The following TATDN1 variants were observed in gnomAD, a reference collection of about 807,000 sequenced individuals.
TATDN1 encodes the protein TatD DNase domain containing 1.
TATDN1 carries 40 observed loss-of-function variants against 46.4 expected under a neutral mutation model. The observed-to-expected ratio is 0.86, with a 90% CI of 0.67 to 1.12. The LOEUF (loss-of-function observed/expected upper bound fraction) is 1.12. TATDN1 is among the 50% of genes most tolerant of loss of function. The pLI is 0.00. For synonymous variants in TATDN1, 95 were observed against 105.6 expected (o/e 0.90, Z 0.62); for missense variants, 326 against 348.4 (o/e 0.94, Z 0.51).
At chr8:124,520,901 C>A (rs545081171) in intron 3 of TATDN1, among the ~76,000 whole-genome samples, 1 of 147,742 alleles carries the variant, frequency 6.8e-6, no homozygotes, top group Admixed American at 6.8e-5. Flanking sequence ...CGAGATCATG[C>A]CACTGCACTC....
At chr8:124,538,951 G>C (rs752372317) in intron 1 of TATDN1, 74 bp downstream of exon 1, 14 of 1,585,488 alleles carry the variant, frequency 8.8e-6, no homozygotes, top group Non-Finnish European at 1.2e-5. Flanking sequence ...GCAATTCCTG[G>C]GTCCTGTGAC....
At chr8:124,534,072 G>T (rs1351226406) in intron 1 of TATDN1, among the ~76,000 whole-genome samples, 1 of 148,694 alleles carries the variant, frequency 6.7e-6, no homozygotes, top group African/African-American at 2.5e-5. Flanking sequence ...CGTGAACCTG[G>T]GAGGCGGAGC....
chr8:124,533,128 T>G (rs1408302983), intron 1 of TATDN1, among the ~76,000 whole-genome samples: 1 of 151,804 alleles, frequency 6.6e-6, no homozygotes, highest in Non-Finnish European at 1.5e-5. Context: ...GGCAGGCGCC[T>G]GTAGTCCCAG....
chr8:124,506,759 T>C (rs1818471475), intron 8 of TATDN1, among the ~76,000 whole-genome samples: 1 of 152,204 alleles, frequency 6.6e-6, no homozygotes, highest in Non-Finnish European at 1.5e-5. Context: ...TACAGTTCTT[T>C]TGCTAGACAC....
At chr8:124,505,182 C>T (rs1006544717) in intron 8 of TATDN1, among the ~76,000 whole-genome samples, 2 of 150,864 alleles carry the variant, frequency 1.3e-5, no homozygotes, top group African/African-American at 2.4e-5. Flanking sequence ...GTTGGGAGTT[C>T]GAGACCAGCC....
chr8:124,512,604 T>G (rs780544798), intron 6 of TATDN1, among the ~76,000 whole-genome samples: 12 of 152,184 alleles, frequency 7.9e-5, no homozygotes, highest in Admixed American at 2.0e-4. Flanking sequence ...CCCTCTGTAT[T>G]AAATATTCAA....
intron 6 of TATDN1, among the ~76,000 whole-genome samples, chr8:124,515,242 A>C (rs1005282983): frequency 6.6e-6 from 1 of 152,158 alleles, no homozygotes; most frequent in East Asian, 1.9e-4. Context: ...TTAGCCGGGC[A>C]TGGTGGCACA....
chr8:124,493,973 G>A lies in TATDN1; in HGVS notation c.665-14C>T. On this transcript the variant is annotated splice_polypyrimidine_tract_variant and intron_variant, in intron 10 of 11. Coordinates refer to ENST00000276692, the MANE Select transcript of TATDN1 (RefSeq NM_032026.4). The stretch of plus-strand genomic sequence containing the variant: ...ACCAAGGTGCATCTAGTTAAGCAAA[G>A]AAAGTGTCTCGTAAGGGGTTTACAT... 6.3e-7 allele frequency: 1 copy of A among 1,598,024 alleles called. No individual in the cohort carries two copies.
At chr8:124,512,406 C>G (rs1439229953) in intron 6 of TATDN1, among the ~76,000 whole-genome samples, 1 of 152,116 alleles carries the variant, frequency 6.6e-6, no homozygotes, top group Non-Finnish European at 1.5e-5. Flanking sequence ...GCCTGGGGGA[C>G]AGAGTGAGAC....
At chr8:124,493,990 GGTTTAC>G in intron 10 of TATDN1, 31 bp from the exon 11 acceptor site, 3 of 1,544,086 alleles carry the variant, frequency 1.9e-6, no homozygotes, top group Non-Finnish European at 2.6e-6. Context: ...TCTCGTAAGG[GGTTTAC>G]ATTTTTAAAA....
At chr8:124,498,649 G>T (rs909159361) in intron 9 of TATDN1, among the ~76,000 whole-genome samples, 1 of 151,968 alleles carries the variant, frequency 6.6e-6, no homozygotes, top group Non-Finnish European at 1.5e-5. Context: ...AGTTTCACCT[G>T]TCTTCAGAAA....
intron 4 of TATDN1, 117 bp from the exon 5 acceptor site, chr8:124,516,147 T>C (rs1819452752): frequency 1.2e-6 from 1 of 850,000 alleles, no homozygotes; most frequent in Non-Finnish European, 1.7e-6. Flanking sequence ...GGCAATAAAT[T>C]ACTCAAATTA....
intron 6 of TATDN1, among the ~76,000 whole-genome samples, chr8:124,515,433 G>C (rs931811767): frequency 2.6e-5 from 4 of 152,076 alleles, no homozygotes; most frequent in African/African-American, 9.7e-5. Context: ...CATTCCATTG[G>C]AACTGTTCAC....
intron 1 of TATDN1, among the ~76,000 whole-genome samples, chr8:124,523,712 C>T (rs952125566): frequency 6.6e-6 from 1 of 152,070 alleles, no homozygotes; most frequent in African/African-American, 2.4e-5. Flanking sequence ...AGGATATGCA[C>T]AGGTTACAGG....
chr8:124,508,573 G>GT (rs1437614119), intron 7 of TATDN1, 30 bp downstream of exon 7: 8 of 1,606,466 alleles, frequency 5.0e-6, no homozygotes, highest in Middle Eastern at 1.7e-4. Flanking sequence ...AAATTCTTAA[G>GT]TTCTGAATGA....
At position 124,501,395 on chromosome 8, in the gene TATDN1, G is replaced by A. The variant is rs189159714; in HGVS notation, c.593+2876C>T. Among the ~76,000 whole-genome samples, 268 of 152,192 alleles carry A rather than the reference G, an allele frequency of 1.8e-3. 1 individual carries two copies. Among genetic ancestry groups the A allele is most frequent in the African/African-American group, 5.5e-3 (227 of 41,528 alleles). ...CTGCCAGTTGCTGGAATGCCTTCTA[G>A]AGAGCTTCCAAATGGCTTTTTTTTT... is the stretch of plus-strand genomic sequence containing the variant. On this transcript the variant is annotated intron_variant, in intron 9 of 11. Coordinates refer to ENST00000276692, the MANE Select transcript of TATDN1 (RefSeq NM_032026.4).
chr8:124,522,080 G>T, intron 3 of TATDN1, 71 bp downstream of exon 3: 1 of 1,085,116 alleles, frequency 9.2e-7, no homozygotes, highest in Non-Finnish European at 1.4e-6. Context: ...TTTCTATTCT[G>T]CAAAATTTTA....
At chr8:124,530,336 C>A (rs1820850515) in intron 1 of TATDN1, among the ~76,000 whole-genome samples, 1 of 152,146 alleles carries the variant, frequency 6.6e-6, no homozygotes, top group Non-Finnish European at 1.5e-5. Context: ...ATGAATGGAT[C>A]AAGGAAGTTG....
chr8:124,506,334 CAAAAAAAAAAA>C lies in TATDN1; in HGVS notation c.517-1998_517-1988del, dbSNP rs56023168. 3.5e-3 allele frequency among the ~76,000 whole-genome samples: 185 copies of C among 52,528 alleles called. 1 individual carries two copies. Among genetic ancestry groups the C allele is most frequent in the African/African-American group, 0.012 (176 of 14,312 alleles). 34.5% of individuals were successfully genotyped at this position (52,528 alleles called of 152,430 possible). ...TGGGTGACAGAGCAAGGCTCTGTCT[CAAAAAAAAAAA>C]AAAAAAAAAAAGAAAAAGAAAAAAA... On this transcript the variant is annotated intron_variant, in intron 8 of 11. Coordinates refer to ENST00000276692, the MANE Select transcript of TATDN1 (RefSeq NM_032026.4).
Sources: gnomAD v4.1 joint callset for allele counts (sites outside exome capture counted in the v4.1 genomes callset) on GRCh38, gnomAD v4.1.1 for gene constraint, MANE v1.5 for transcripts, NCBI Gene and HGNC (gene_info 2026-07-23, HGNC 2026-07-21) for gene names.